The following ZNF804B variants were observed in gnomAD, a reference collection of about 807,000 sequenced individuals.
ZNF804B encodes zinc finger 804B.
ZNF804B carries 80 observed loss-of-function variants against 101.4 expected under a neutral mutation model. The ratio of observed to expected loss-of-function variants is 0.79; its 90% confidence interval spans 0.66 to 0.95. The LOEUF (loss-of-function observed/expected upper bound fraction) is 0.95, where lower values mean the gene tolerates loss of function less well. Ranked by LOEUF, ZNF804B falls within the 40% of genes least tolerant of loss-of-function variation. The pLI, the probability that ZNF804B is intolerant of heterozygous loss-of-function variation, is 0.00. For missense variants in ZNF804B, 1,673 were observed against 1,561.9 expected (o/e 1.07, Z -1.20); for synonymous variants, 622 against 558.8 (o/e 1.11, Z -1.59).
At chr7:89,322,108 G>A (rs1365716773) in intron 2 of ZNF804B, among the ~76,000 whole-genome samples, 2 of 151,112 alleles carry the variant, frequency 1.3e-5, no homozygotes, top group East Asian at 1.9e-4. Context: ...ATCACAAAAT[G>A]TAAGTGCAGA....
chr7:88,795,115 G>C (rs1790459222), intron 1 of ZNF804B: 5 of 489,630 alleles, frequency 1.0e-5, no homozygotes, highest in Admixed American at 3.9e-5. Flanking sequence ...CCAATCTTTT[G>C]CCAGTTTTAT....
intron 1 of ZNF804B, among the ~76,000 whole-genome samples, chr7:88,935,240 G>A (rs1267885070): frequency 6.6e-6 from 1 of 151,462 alleles, no homozygotes; most frequent in Non-Finnish European, 1.5e-5. Context: ...GGATGTGAAG[G>A]CATAAGAATG....
At chr7:88,760,240 T>C (rs1430788373) in intron 1 of ZNF804B, among the ~76,000 whole-genome samples, 156 bp downstream of exon 1, 1 of 152,264 alleles carries the variant, frequency 6.6e-6, no homozygotes, top group Non-Finnish European at 1.5e-5. Context: ...TGTCCGTTTA[T>C]ACAATTTATT....
intron 1 of ZNF804B, among the ~76,000 whole-genome samples, chr7:88,997,920 C>G (rs1788224683): frequency 6.6e-6 from 1 of 152,002 alleles, no homozygotes; most frequent in Non-Finnish European, 1.5e-5. Flanking sequence ...AACTTTTTTA[C>G]TCTTTTGACA....
At chr7:88,857,897 C>A (rs1791595649) in intron 1 of ZNF804B, among the ~76,000 whole-genome samples, 1 of 133,034 alleles carries the variant, frequency 7.5e-6, no homozygotes, top group Non-Finnish European at 1.5e-5. Flanking sequence ...AATCTCGGCT[C>A]ACTGCAACCT....
At chr7:89,068,858 A>G (rs1789494337) in intron 1 of ZNF804B, among the ~76,000 whole-genome samples, 1 of 152,172 alleles carries the variant, frequency 6.6e-6, no homozygotes, top group African/African-American at 2.4e-5. Context: ...AGGCACTTAG[A>G]AGACTACAGA....
At chr7:89,305,223 C>T (rs764962419) in intron 2 of ZNF804B, among the ~76,000 whole-genome samples, 13 of 152,012 alleles carry the variant, frequency 8.6e-5, no homozygotes, top group African/African-American at 3.1e-4. Flanking sequence ...GCTCTTATAT[C>T]ATTATTATTA....
At chr7:88,941,539 A>G (rs1007212883) in intron 1 of ZNF804B, among the ~76,000 whole-genome samples, 7 of 152,138 alleles carry the variant, frequency 4.6e-5, no homozygotes, top group African/African-American at 1.4e-4. Flanking sequence ...AATTCCAACT[A>G]TATGACCTTC....
chr7:89,106,036 C>T (rs1417867484), intron 1 of ZNF804B, among the ~76,000 whole-genome samples: 1 of 152,156 alleles, frequency 6.6e-6, no homozygotes, highest in Non-Finnish European at 1.5e-5. Context: ...CCTCTAGGGA[C>T]ACCCATGTGT....
intron 3 of ZNF804B, among the ~76,000 whole-genome samples, chr7:89,332,388 G>C (rs1045024598): frequency 6.6e-6 from 1 of 151,846 alleles, no homozygotes; most frequent in African/African-American, 2.4e-5. Flanking sequence ...CAAATGACTA[G>C]AGGAAAGTAA....
chr7:89,324,607 C>CTTTTTTTT (rs35905388), intron 2 of ZNF804B, among the ~76,000 whole-genome samples: 49 of 109,516 alleles, frequency 4.5e-4, no homozygotes, highest in Admixed American at 6.5e-4. Context: ...TACCTTCTTA[C>CTTTTTTTT]TTTTTTTTTT....
chr7:89,174,371 A>G (rs926481585), intron 1 of ZNF804B, among the ~76,000 whole-genome samples: 1 of 151,964 alleles, frequency 6.6e-6, no homozygotes. Flanking sequence ...TGCCTTATTT[A>G]TTTCACTTAA....
chr7:88,883,247 G>A (rs1792069754), intron 1 of ZNF804B, among the ~76,000 whole-genome samples: 1 of 152,028 alleles, frequency 6.6e-6, no homozygotes, highest in African/African-American at 2.4e-5. Flanking sequence ...ATCTCATCAG[G>A]TTGGGATCCA....
rs756528319 is a variant in ZNF804B at position 89,336,404 on chromosome 7, C to T, written c.3422C>T (p.Pro1141Leu). 1.9e-6 allele frequency: 3 copies of T among 1,613,924 alleles called. No homozygotes were observed. Among genetic ancestry groups the T allele is most frequent in the African/African-American group, 2.7e-5 (2 of 74,898 alleles). ...GLEMCHKSIS[P>L]PLIQQPITFS... ...GAAATGTGTCATAAATCTATCTCTCCCCCTTTAATTCAACAGCCCATAACA... is the reference window on the plus strand; with the variant it reads ...GAAATGTGTCATAAATCTATCTCTCTCCCTTTAATTCAACAGCCCATAACA... Residue 1141 changes from proline to leucine, a missense_variant, in exon 4 of 4, where the codon CCC becomes CTC. Pro to Leu is a moderately conservative substitution (Grantham distance 98). Transcript: ENST00000333190.
chr7:89,157,734 C>A (rs554880079), intron 1 of ZNF804B, among the ~76,000 whole-genome samples: 1 of 151,890 alleles, frequency 6.6e-6, no homozygotes, highest in East Asian at 1.9e-4. Flanking sequence ...GTTTTTCCAT[C>A]TTTTTTTTGG....
At position 88,973,608 on chromosome 7, in the gene ZNF804B, C is replaced by T. The variant is rs1793568890; in HGVS notation, c.108+213524C>T. Among the ~76,000 whole-genome samples the T allele has an allele frequency of 2.7e-5, 4 of 150,926 alleles. No homozygotes were observed. In the South Asian group the frequency reaches 8.3e-4, roughly 31 times the overall value. ...TCAAAGTTACAAGACATAGATATGC[C>T]ATTAGCAAGAGATTGAAAAGTGAAT... On this transcript the variant is annotated intron_variant, in intron 1 of 3. Transcript: ENST00000333190.
At chr7:88,939,722 G>A (rs916251696) in intron 1 of ZNF804B, among the ~76,000 whole-genome samples, 4 of 151,030 alleles carry the variant, frequency 2.6e-5, no homozygotes, top group Non-Finnish European at 5.9e-5. Context: ...GATATAATAG[G>A]AAAACGATAA....
intron 1 of ZNF804B, among the ~76,000 whole-genome samples, chr7:88,927,328 C>G (rs1792819058): frequency 6.6e-6 from 1 of 152,150 alleles, no homozygotes; most frequent in Non-Finnish European, 1.5e-5. Context: ...CAGTCTCATT[C>G]TAGTAAAAGC....
chr7:89,283,065 AAATT>A (rs1285142721), intron 2 of ZNF804B, among the ~76,000 whole-genome samples: 1 of 152,216 alleles, frequency 6.6e-6, no homozygotes, highest in African/African-American at 2.4e-5. Context: ...AAATTAAATA[AAATT>A]AATTGTCTCC....
Sources: gnomAD v4.1 joint callset for allele counts (sites outside exome capture counted in the v4.1 genomes callset) on GRCh38, gnomAD v4.1.1 for gene constraint, MANE v1.5 for transcripts, NCBI Gene and HGNC (gene_info 2026-07-23, HGNC 2026-07-21) for gene names.